ANKRD36: variants seen among roughly 807,000 people sequenced by gnomAD.
ANKRD36 encodes the protein ankyrin repeat domain 36, also known as ankyrin repeat domain-containing protein 36A.
A neutral mutation model predicts 278.1 loss-of-function variants in ANKRD36; 179 were observed. That is an observed-to-expected ratio of 0.64 (90% CI 0.57 to 0.73). ANKRD36 has a LOEUF of 0.73. ANKRD36 is among the 30% of genes least tolerant of loss of function. The pLI is 0.00. For missense variants in ANKRD36, 1,159 were observed against 1,956.7 expected (o/e 0.59, Z 7.69); for synonymous variants, 320 against 641.1 (o/e 0.50, Z 7.57).
chr2:97,134,183 A>G (rs1191520262), intron 6 of ANKRD36, among the ~76,000 whole-genome samples: 2 of 152,136 alleles, frequency 1.3e-5, no homozygotes, highest in East Asian at 3.8e-4. Context: ...AATATTACAG[A>G]ACATAATTTC....
chr2:97,162,943 G>A (rs1182955387), intron 18 of ANKRD36, among the ~76,000 whole-genome samples: 1 of 152,250 alleles, frequency 6.6e-6, no homozygotes, highest in Non-Finnish European at 1.5e-5. Context: ...AAGTGTAACT[G>A]TCAATAATCA....
intron 44 of ANKRD36, among the ~76,000 whole-genome samples, 177 bp from the exon 45 acceptor site, chr2:97,200,157 G>A (rs13409957): frequency 0.049 from 7,399 of 150,544 alleles, no homozygotes; most frequent in African/African-American, 0.14. Flanking sequence ...CAGAGCCTGT[G>A]TTCCCTTTTT....
intron 75 of ANKRD36, among the ~76,000 whole-genome samples, chr2:97,258,908 C>T (rs1284937487): frequency 9.1e-5 from 13 of 143,268 alleles, no homozygotes; most frequent in African/African-American, 3.2e-4. Context: ...TGTCATCATT[C>T]TTCATGTTTG....
intron 22 of ANKRD36, among the ~76,000 whole-genome samples, chr2:97,176,559 T>C (rs2054318990): frequency 6.7e-6 from 1 of 148,712 alleles, no homozygotes; most frequent in Non-Finnish European, 1.5e-5. Flanking sequence ...AGCACACTGA[T>C]GGATCTTGAC....
intron 46 of ANKRD36, 33 bp downstream of exon 46, chr2:97,200,558 C>G (rs376486498): frequency 5.2e-5 from 80 of 1,541,304 alleles, no homozygotes; most frequent in East Asian, 4.4e-4. Context: ...ATGTCATGTT[C>G]AGTCCAGATA....
intron 45 of ANKRD36, 34 bp from the exon 46 acceptor site, chr2:97,200,419 C>G (rs1477530761): frequency 6.2e-7 from 1 of 1,601,146 alleles, no homozygotes; most frequent in Non-Finnish European, 8.5e-7. Flanking sequence ...ATGAAACATA[C>G]CTTATTTATT....
At chr2:97,147,075 C>G (rs912049860) in intron 11 of ANKRD36, among the ~76,000 whole-genome samples, 1 of 151,798 alleles carries the variant, frequency 6.6e-6, no homozygotes, top group African/African-American at 2.4e-5. Flanking sequence ...GTAAGCAAGA[C>G]TAGGCCAGTC....
chr2:97,200,326 C>A lies in ANKRD36; in HGVS notation c.2756-8C>A, dbSNP rs1168679805. The A allele has an allele frequency of 1.2e-6, 2 of 1,607,298 alleles. No individual in the cohort carries two copies. Among genetic ancestry groups the A allele is most frequent in the Non-Finnish European group, 8.5e-7 (1 of 1,178,610 alleles). Reference sequence around the variant, plus strand: ...TGTGAGTGATTATGTATCCCTTTTGCTTTTCAGTGTCTTCTCGGAAAAAAC... The same window carrying A: ...TGTGAGTGATTATGTATCCCTTTTGATTTTCAGTGTCTTCTCGGAAAAAAC... On this transcript the variant is annotated splice_polypyrimidine_tract_variant and splice_region_variant and intron_variant, in intron 44 of 75. Coordinates refer to ENST00000420699, the MANE Select transcript of ANKRD36 (RefSeq NM_001354587.1).
intron 6 of ANKRD36, among the ~76,000 whole-genome samples, chr2:97,141,770 A>G (rs2042963334): frequency 6.6e-6 from 1 of 151,680 alleles, no homozygotes; most frequent in Admixed American, 6.6e-5. Context: ...ATAACATGAT[A>G]CTTCAAACCA....
At chr2:97,139,210 A>G (rs1178424452) in intron 6 of ANKRD36, among the ~76,000 whole-genome samples, 1 of 151,982 alleles carries the variant, frequency 6.6e-6, no homozygotes, top group African/African-American at 2.4e-5. Flanking sequence ...AGCCTTTAAG[A>G]CAGTCATTCT....
At chr2:97,131,984 A>ATT (rs2040292469) in intron 6 of ANKRD36, among the ~76,000 whole-genome samples, 1 of 151,672 alleles carries the variant, frequency 6.6e-6, no homozygotes, top group Non-Finnish European at 1.5e-5. Context: ...CTGCACCACC[A>ATT]CGCCCAGCTA....
At chr2:97,232,866 A>G (rs1250046120) in intron 67 of ANKRD36, among the ~76,000 whole-genome samples, 1 of 152,096 alleles carries the variant, frequency 6.6e-6, no homozygotes, top group Non-Finnish European at 1.5e-5. Context: ...ATAAAAGAAG[A>G]CAAATAGGTT....
chr2:97,148,592 T>C, intron 11 of ANKRD36, among the ~76,000 whole-genome samples: 1 of 152,312 alleles, frequency 6.6e-6, no homozygotes, highest in Non-Finnish European at 1.5e-5. Flanking sequence ...AGGCAGAATC[T>C]ATATAATGAC....
chr2:97,179,066 A>G (rs570071152), intron 22 of ANKRD36, among the ~76,000 whole-genome samples: 2 of 151,724 alleles, frequency 1.3e-5, no homozygotes, highest in Admixed American at 6.6e-5. Flanking sequence ...AAGTTTATAT[A>G]TTATACCTTG....
At chr2:97,231,021 C>G (rs1458798448) in intron 67 of ANKRD36, among the ~76,000 whole-genome samples, 1 of 152,056 alleles carries the variant, frequency 6.6e-6, no homozygotes, top group Non-Finnish European at 1.5e-5. Flanking sequence ...GAGGAGTACC[C>G]GGCTGTGTGA....
intron 67 of ANKRD36, among the ~76,000 whole-genome samples, chr2:97,226,445 G>A (rs62156187): frequency 0.38 from 50,217 of 130,966 alleles, 14,870 homozygotes; most frequent in African/African-American, 0.75. Context: ...GTCTGTTCAT[G>A]TCCTTTGCCC....
intron 22 of ANKRD36, among the ~76,000 whole-genome samples, chr2:97,174,632 A>C (rs1264148193): frequency 7.9e-5 from 12 of 151,552 alleles, no homozygotes; most frequent in Non-Finnish European, 1.6e-4. Flanking sequence ...TCTCCTGCCT[A>C]ATTGCCCTGG....
At chr2:97,191,589 G>A (rs1434931115) in intron 36 of ANKRD36, among the ~76,000 whole-genome samples, 1 of 151,630 alleles carries the variant, frequency 6.6e-6, no homozygotes, top group Non-Finnish European at 1.5e-5. Flanking sequence ...CACTGTAGAA[G>A]GAGACCTACG....
intron 46 of ANKRD36, among the ~76,000 whole-genome samples, 177 bp downstream of exon 46, chr2:97,200,702 C>T (rs1265489976): frequency 6.6e-6 from 1 of 151,854 alleles, no homozygotes; most frequent in Non-Finnish European, 1.5e-5. Context: ...GCATGATCTT[C>T]GCTGTAAGAT....
Sources: gnomAD v4.1 joint callset for allele counts (sites outside exome capture counted in the v4.1 genomes callset) on GRCh38, gnomAD v4.1.1 for gene constraint, MANE v1.5 for transcripts, NCBI Gene and HGNC (gene_info 2026-07-23, HGNC 2026-07-21) for gene names.